YJU2: variants seen among roughly 807,000 people sequenced by gnomAD.
The protein encoded by YJU2 is YJU2 splicing factor homolog.
In YJU2, 28 loss-of-function variants were observed where a neutral mutation model predicts 39.6. The ratio of observed to expected loss-of-function variants is 0.71; its 90% CI spans 0.52 to 0.97. The LOEUF is 0.97. YJU2 is among the 50% of genes least tolerant of loss of function. The pLI is 0.00. For missense variants in YJU2, 328 were observed against 430.4 expected (o/e 0.76, Z 2.11); for synonymous variants, 184 against 182.4 (o/e 1.01, Z -0.07).
chr19:4,254,673 A>G (rs964735863), intron 4 of YJU2, among the ~76,000 whole-genome samples, 184 bp downstream of exon 4: 3 of 151,648 alleles, frequency 2.0e-5, no homozygotes, highest in Non-Finnish European at 4.4e-5. Flanking sequence ...TAATCTCAGC[A>G]CTTTGGGAGG....
intron 2 of YJU2, among the ~76,000 whole-genome samples, chr19:4,250,206 C>T (rs992141700): frequency 3.3e-5 from 5 of 152,160 alleles, no homozygotes; most frequent in African/African-American, 7.2e-5. Flanking sequence ...ACGCACCTAA[C>T]GAGGAAAGAG....
chr19:4,247,534 G>T (rs949218927), intron 1 of YJU2, among the ~76,000 whole-genome samples: 1 of 147,206 alleles, frequency 6.8e-6, no homozygotes, highest in East Asian at 2.0e-4. Context: ...GCCCCACTTG[G>T]GGACTGTAAC....
chr19:4,247,291 A>T, intron 1 of YJU2, 121 bp downstream of exon 1: 1 of 882,680 alleles, frequency 1.1e-6, no homozygotes. Flanking sequence ...CTTCCGCGAG[A>T]TGGGGCTTCC....
chr19:4,256,181 A>AAATATATATATATATATATATATAT (rs1001505791), intron 4 of YJU2, among the ~76,000 whole-genome samples: 1 of 125,898 alleles, frequency 7.9e-6, no homozygotes, highest in African/African-American at 3.1e-5. Flanking sequence ...AAAAAAAAAA[A>AAATATATATATATATATATATATAT]ATATATATAT....
Position 4,249,284 on chromosome 19 carries a change from A to G in YJU2, c.81A>G (p.Lys27=), listed in dbSNP as rs1970956396. 1.9e-6 allele frequency: 3 copies of G among 1,613,988 alleles called. No homozygotes were observed. The highest frequency in any genetic ancestry group is 2.5e-6 in the Non-Finnish European group (3 of 1,179,940). Residue 27 remains lysine (K), a synonymous_variant, in exon 2 of 8, where the codon AAA becomes AAG. Transcript: ENST00000262962. ...AGATCCCCAAACTCAAGCTCCCCAA[A>G]GACCGGCAGTACGTGGTGCGGCTGA... ...PSKIPKLKLP[K]DRQYVVRLMA... is the part of the protein sequence containing the mutation.
Position 4,268,981 on chromosome 19 carries a change from A to G in YJU2, c.*285A>G, listed in dbSNP as rs547401063. On this transcript the variant is annotated 3_prime_UTR_variant, in exon 8 of 8. Coordinates refer to ENST00000262962, the MANE Select transcript of YJU2 (RefSeq NM_018074.6). Reference sequence around the variant, plus strand: ...CATCCCTGGAGCAGCTTCCAACACTACTTCAGGGTGGCAGTGTTTGGGGCA... The same window carrying G: ...CATCCCTGGAGCAGCTTCCAACACTGCTTCAGGGTGGCAGTGTTTGGGGCA... The G allele has an allele frequency of 7.2e-6, 3 of 415,546 alleles. No homozygotes were observed. In the Admixed American group the frequency reaches 1.2e-4, roughly 16 times the overall value. 25.7% of individuals were successfully genotyped at this position (415,546 alleles called of 1,614,324 possible). A position where few individuals can be genotyped will look rare whatever the true frequency, so the allele number is the denominator to read the frequency against.
At position 4,264,454 on chromosome 19, in the gene YJU2, C is replaced by T. The variant is rs557670917; in HGVS notation, c.708+2340C>T. On this transcript the variant is annotated intron_variant, in intron 6 of 7. Transcript: ENST00000262962. ...TCCTGAGCAGCTGGGACCACAGGCA[C>T]GCACCACCACGCCTGGCTAATTTTT... 2.8e-4 allele frequency among the ~76,000 whole-genome samples: 42 copies of T among 149,850 alleles called. No individual in the cohort carries two copies. In the South Asian group the frequency reaches 5.7e-3, roughly 20 times the overall value.
chr19:4,267,601 A>C (rs1488455912), intron 6 of YJU2, 23 bp from the exon 7 acceptor site: 1 of 1,608,400 alleles, frequency 6.2e-7, no homozygotes. Context: ...CCAGACCCCC[A>C]CATGTGTCCC....
intron 4 of YJU2, among the ~76,000 whole-genome samples, chr19:4,254,926 C>T (rs986151907): frequency 3.5e-4 from 53 of 151,672 alleles, no homozygotes; most frequent in African/African-American, 1.2e-3. Flanking sequence ...CATGGTGGCA[C>T]GCTTCTGGAA....
chr19:4,250,323 G>A (rs1406069350), intron 2 of YJU2, among the ~76,000 whole-genome samples: 2 of 152,092 alleles, frequency 1.3e-5, no homozygotes, highest in African/African-American at 4.8e-5. Context: ...TTGGGCACCT[G>A]CTGTGTGCCA....
chr19:4,258,836 T>G (rs544053962), intron 5 of YJU2, among the ~76,000 whole-genome samples: 102 of 152,244 alleles, frequency 6.7e-4, no homozygotes, highest in Admixed American at 1.4e-3. Context: ...GGGGTTCCTA[T>G]GGGGCCTGGT....
At chr19:4,247,202 G>A (rs765431035) in intron 1 of YJU2, 32 bp downstream of exon 1, 1 of 1,600,610 alleles carries the variant, frequency 6.2e-7, no homozygotes, top group Non-Finnish European at 8.5e-7. Flanking sequence ...CTTTTCAATC[G>A]GAGCAGGACA....
At chr19:4,263,045 G>A (rs979219351) in intron 6 of YJU2, among the ~76,000 whole-genome samples, 6 of 142,446 alleles carry the variant, frequency 4.2e-5, no homozygotes, top group African/African-American at 1.6e-4. Context: ...CTGCACCCCA[G>A]CCTGGGTGAC....
chr19:4,259,076 T>C (rs1383583054), intron 5 of YJU2, among the ~76,000 whole-genome samples: 1 of 112,668 alleles, frequency 8.9e-6, no homozygotes, highest in Non-Finnish European at 1.7e-5. Context: ...CTTTTCTTTT[T>C]TTTTTTTTTT....
chr19:4,251,995 A>G (rs997985499), intron 3 of YJU2, among the ~76,000 whole-genome samples: 10 of 152,100 alleles, frequency 6.6e-5, no homozygotes, highest in Non-Finnish European at 1.5e-4. Context: ...TCAAAAAGAA[A>G]AAAAAAAGTA....
At chr19:4,252,795 A>G (rs2144690204) in intron 3 of YJU2, among the ~76,000 whole-genome samples, 1 of 151,458 alleles carries the variant, frequency 6.6e-6, no homozygotes, top group Admixed American at 6.6e-5. Flanking sequence ...GCATGATGGC[A>G]TGCGCCTATA....
At position 4,267,768 on chromosome 19, in the gene YJU2, A is replaced by G. The variant is rs1297396546; in HGVS notation, c.853A>G (p.Thr285Ala). 6.2e-7 allele frequency: 1 copy of G among 1,611,376 alleles called. No individual in the cohort carries two copies. Residue 285 changes from threonine to alanine, a missense_variant, in exon 7 of 8, where the codon ACC becomes GCC. Coordinates refer to ENST00000262962, the MANE Select transcript of YJU2 (RefSeq NM_018074.6). ...CAACGGGCAGCCTCAGGCGGCCCCCACCCCAGGTAAGGTCACAGAGTTCCC... is the reference window on the plus strand; with the variant it reads ...CAACGGGCAGCCTCAGGCGGCCCCCGCCCCAGGTAAGGTCACAGAGTTCCC... ...CSNGQPQAAP[T>A]PGAPQNRKEA...
chr19:4,259,071 C>CT (rs34728075), intron 5 of YJU2, among the ~76,000 whole-genome samples: 3,378 of 90,254 alleles, frequency 0.037, 640 homozygotes, highest in African/African-American at 0.1. Flanking sequence ...GAACACTTTT[C>CT]TTTTTTTTTT....
chr19:4,265,435 T>G (rs1971107921), intron 6 of YJU2, among the ~76,000 whole-genome samples: 1 of 146,358 alleles, frequency 6.8e-6, no homozygotes, highest in East Asian at 1.9e-4. Flanking sequence ...TTTAATTTTC[T>G]TTTCTTTTTT....
Sources: gnomAD v4.1 joint callset for allele counts (sites outside exome capture counted in the v4.1 genomes callset) on GRCh38, gnomAD v4.1.1 for gene constraint, MANE v1.5 for transcripts, NCBI Gene and HGNC (gene_info 2026-07-23, HGNC 2026-07-21) for gene names.